Variants in ADGRV1 observed in about 807,000 individuals in gnomAD.
ADGRV1 encodes the protein adhesion G protein-coupled receptor V1, also known as G-protein coupled receptor 98.
ADGRV1 carries 359 observed loss-of-function variants against 596.2 expected under a neutral mutation model. The ratio of observed to expected loss-of-function variants is 0.60; its 90% confidence interval spans 0.55 to 0.66. The LOEUF is 0.66. Among genes scored for constraint, ADGRV1 ranks in the 30% least tolerant of loss-of-function variants. The probability of loss-of-function intolerance (pLI) is 0.00; values close to 1 mark genes in which losing one functional copy is unlikely to be tolerated. For missense variants in ADGRV1, 7,274 were observed against 7,575.6 expected (o/e 0.96, Z 1.48); for synonymous variants, 2,681 against 2,679.2 (o/e 1.00, Z -0.02).
At chr5:90,909,400 T>C (rs1422664835) in intron 83 of ADGRV1, among the ~76,000 whole-genome samples, 1 of 152,098 alleles carries the variant, frequency 6.6e-6, no homozygotes, top group Non-Finnish European at 1.5e-5. Context: ...GTGACCTATA[T>C]GTTGTAACGT....
intron 86 of ADGRV1, among the ~76,000 whole-genome samples, chr5:91,091,338 C>T (rs4340944): frequency 3.3e-5 from 5 of 152,218 alleles, no homozygotes; most frequent in African/African-American, 1.2e-4. Flanking sequence ...CTTCCCTACT[C>T]TTTAAAGAGT....
chr5:91,053,590 T>C (rs996072727), intron 85 of ADGRV1, among the ~76,000 whole-genome samples: 1 of 152,220 alleles, frequency 6.6e-6, no homozygotes, highest in Non-Finnish European at 1.5e-5. Flanking sequence ...AGAAAGAGAA[T>C]ATAGTTCTCC....
intron 85 of ADGRV1, chr5:91,030,957 A>T: frequency 2.7e-6 from 3 of 1,120,604 alleles, no homozygotes; most frequent in Non-Finnish European, 3.7e-6. Flanking sequence ...GCAGTTTTGT[A>T]ATCAAAGGAA....
At position 90,728,815 on chromosome 5, in the gene ADGRV1, A is replaced by T. The variant is rs559004744; in HGVS notation, c.10308A>T (p.Arg3436Ser). The T allele has an allele frequency of 1.4e-5, 22 of 1,613,896 alleles. No homozygotes were observed. The highest frequency in any genetic ancestry group is 1.7e-5 in the Non-Finnish European group (20 of 1,179,866). The change falls in exon 49 of 90, where the codon AGA becomes AGT. Residue 3436 changes from arginine (R) to serine (S), a missense_variant. Transcript: ENST00000405460. ...ANARLNSLLF[R>S]WSGSGFINFQ... is the part of the protein sequence containing the mutation. ...CCAGGCTAAACTCCCTTTTATTCAG[A>T]TGGTCTGGCAGTGGGTTTATTAACT...
chr5:90,559,838 C>G (rs1487336972), intron 1 of ADGRV1, among the ~76,000 whole-genome samples: 1 of 151,900 alleles, frequency 6.6e-6, no homozygotes, highest in African/African-American at 2.4e-5. Context: ...TTTTTTCTCC[C>G]TTTGTGTGTC....
At chr5:90,775,308 AT>A (rs373094988) in intron 60 of ADGRV1, among the ~76,000 whole-genome samples, 5 of 152,302 alleles carry the variant, frequency 3.3e-5, no homozygotes, top group Non-Finnish European at 7.3e-5. Flanking sequence ...GATATTTTCC[AT>A]TAAGGGAATG....
intron 1 of ADGRV1, among the ~76,000 whole-genome samples, chr5:90,597,457 T>C (rs180882908): frequency 6.6e-6 from 1 of 152,358 alleles, no homozygotes; most frequent in East Asian, 1.9e-4. Flanking sequence ...ACAGAATTCT[T>C]TCATCTGATC....
chr5:90,603,547 G>A (rs1761687998), intron 1 of ADGRV1, among the ~76,000 whole-genome samples: 1 of 152,100 alleles, frequency 6.6e-6, no homozygotes, highest in South Asian at 2.1e-4. Flanking sequence ...GACTACCTCA[G>A]TGCTGTAGCT....
Position 90,759,390 on chromosome 5 carries a change from T to C in ADGRV1, c.11941-19T>C. ...TCTTTTCCTCCCTCTCTTTCTCCCT[T>C]CCTTCCTTTCTTTCATAGGTTACTG... On this transcript the variant is annotated intron_variant, in intron 57 of 89. Transcript: ENST00000405460. 1.3e-6 allele frequency: 2 copies of C among 1,511,534 alleles called. No homozygotes were observed. The highest frequency in any genetic ancestry group is 2.4e-5 in the South Asian group (2 of 82,816). The allele number at this position is 1,511,534 out of a possible 1,614,324, so 93.6% of individuals were successfully genotyped here.
At chr5:90,846,026 T>A (rs1765846644) in intron 78 of ADGRV1, among the ~76,000 whole-genome samples, 1 of 152,244 alleles carries the variant, frequency 6.6e-6, no homozygotes, top group Non-Finnish European at 1.5e-5. Flanking sequence ...TTCTTATAAA[T>A]GCCAATCTTG....
chr5:90,891,641 T>C (rs1286136675), intron 83 of ADGRV1, among the ~76,000 whole-genome samples: 1 of 151,942 alleles, frequency 6.6e-6, no homozygotes, highest in Non-Finnish European at 1.5e-5. Flanking sequence ...ATTTAAAATG[T>C]TTTACTACAA....
chr5:90,755,484 G>A (rs760666442), intron 55 of ADGRV1, among the ~76,000 whole-genome samples: 27 of 152,014 alleles, frequency 1.8e-4, no homozygotes, highest in Non-Finnish European at 3.5e-4. Context: ...CTGTAATTTT[G>A]TTTTGTCAGT....
chr5:90,822,818 A>G (rs1427037008), intron 75 of ADGRV1, among the ~76,000 whole-genome samples: 3 of 152,058 alleles, frequency 2.0e-5, no homozygotes, highest in Non-Finnish European at 2.9e-5. Flanking sequence ...GCAGTGGTTT[A>G]TAGTTCTCCT....
chr5:90,781,424 T>C lies in ADGRV1; in HGVS notation c.13083-6T>C, dbSNP rs2150094049. On this transcript the variant is annotated splice_region_variant and splice_polypyrimidine_tract_variant and intron_variant, in intron 64 of 89. Coordinates refer to ENST00000405460, the MANE Select transcript of ADGRV1 (RefSeq NM_032119.4). ...TATTTTATTTTGATTTGTATGACTTTGGAAGAGGGTATGATTTTACCATTC... is the reference window on the plus strand; with the variant it reads ...TATTTTATTTTGATTTGTATGACTTCGGAAGAGGGTATGATTTTACCATTC... 1 of 1,589,376 alleles carries C rather than the reference T, an allele frequency of 6.3e-7. No individual in the cohort carries two copies. The highest frequency in any genetic ancestry group is 8.6e-7 in the Non-Finnish European group (1 of 1,162,766).
chr5:90,662,842 A>T (rs1394318580), intron 21 of ADGRV1, among the ~76,000 whole-genome samples: 7 of 151,696 alleles, frequency 4.6e-5, no homozygotes, highest in Admixed American at 4.6e-4. Flanking sequence ...GTTCCCACCT[A>T]TGAGTGAGAA....
chr5:90,981,019 G>A (rs1308893206), intron 84 of ADGRV1, among the ~76,000 whole-genome samples: 2 of 152,182 alleles, frequency 1.3e-5, no homozygotes, highest in Non-Finnish European at 2.9e-5. Context: ...AGTTAATTTA[G>A]AAAGTTTATT....
chr5:90,562,489 A>G (rs1015545406), intron 1 of ADGRV1, among the ~76,000 whole-genome samples: 1 of 152,184 alleles, frequency 6.6e-6, no homozygotes, highest in Non-Finnish European at 1.5e-5. Context: ...CTGTGGTAAT[A>G]CAAAGGCTGT....
chr5:90,932,794 T>TTTTG (rs1775364622), intron 83 of ADGRV1, among the ~76,000 whole-genome samples: 1 of 150,282 alleles, frequency 6.7e-6, no homozygotes, highest in South Asian at 2.1e-4. Flanking sequence ...TTGTCGTGAG[T>TTTTG]TGTGTGTGTG....
intron 83 of ADGRV1, among the ~76,000 whole-genome samples, chr5:90,908,359 C>G (rs769801579): frequency 6.6e-6 from 1 of 152,098 alleles, no homozygotes; most frequent in Non-Finnish European, 1.5e-5. Flanking sequence ...AAGCATTTAT[C>G]CTTTGTGTTT....
Sources: allele counts gnomAD v4.1 joint callset (sites outside exome capture counted in the v4.1 genomes callset), GRCh38; gene constraint gnomAD v4.1.1; transcripts MANE v1.5; gene names NCBI Gene and HGNC (gene_info 2026-07-23, HGNC 2026-07-21).